Variants in PLEKHG1 observed in about 807,000 individuals in gnomAD.
The protein encoded by PLEKHG1 is pleckstrin homology domain-containing family G member 1.
In PLEKHG1, 44 loss-of-function variants were observed where a neutral mutation model predicts 100.8. That is an observed-to-expected ratio of 0.44 (90% CI 0.34 to 0.56). The LOEUF is 0.56. Ranked by LOEUF, PLEKHG1 falls within the 20% of genes least tolerant of loss-of-function variation. The pLI, the probability that PLEKHG1 is intolerant of heterozygous loss-of-function variation, is 0.01. For synonymous variants in PLEKHG1, 640 were observed against 662.5 expected (o/e 0.97, Z 0.52); for missense variants, 1,545 against 1,720.9 (o/e 0.90, Z 1.81).
chr6:150,697,489 G>A (rs956534164), intron 3 of PLEKHG1, among the ~76,000 whole-genome samples: 35 of 152,314 alleles, frequency 2.3e-4, no homozygotes, highest in Middle Eastern at 3.4e-3. Context: ...GAAGTAAGTC[G>A]GGTGCCTGGG....
intron 14 of PLEKHG1, among the ~76,000 whole-genome samples, chr6:150,825,422 A>T (rs1331994487): frequency 6.6e-6 from 1 of 152,116 alleles, no homozygotes; most frequent in Non-Finnish European, 1.5e-5. Flanking sequence ...ACAAAAAAAA[A>T]GTACAAAAAT....
intron 1 of PLEKHG1, among the ~76,000 whole-genome samples, 183 bp from the exon 3 acceptor site, chr6:150,733,401 C>G (rs1782376150): frequency 6.6e-6 from 1 of 152,170 alleles, no homozygotes; most frequent in South Asian, 2.1e-4. Context: ...AACAGGCACC[C>G]AGATGATGCT....
chr6:150,644,334 G>GGTTTTTTTTT (rs1554255840), intron 2 of PLEKHG1, among the ~76,000 whole-genome samples: 20 of 117,620 alleles, frequency 1.7e-4, no homozygotes, highest in South Asian at 5.9e-4. Flanking sequence ...TTCTTTTCGT[G>GGTTTTTTTTT]TTTTTTTTTT....
chr6:150,606,641 T>C (rs1776613605), intron 1 of PLEKHG1, among the ~76,000 whole-genome samples: 1 of 152,230 alleles, frequency 6.6e-6, no homozygotes, highest in African/African-American at 2.4e-5. Context: ...TTAGAGCCTG[T>C]TGACCCTCTC....
chr6:150,707,193 C>T (rs190186506), intron 3 of PLEKHG1, among the ~76,000 whole-genome samples: 10 of 151,290 alleles, frequency 6.6e-5, no homozygotes, highest in Non-Finnish European at 1.3e-4. Context: ...TTAGTAGAGA[C>T]GGGTTTTGCC....
At chr6:150,729,838 C>T (rs1220662317) in intron 1 of PLEKHG1, among the ~76,000 whole-genome samples, 1 of 152,062 alleles carries the variant, frequency 6.6e-6, no homozygotes, top group East Asian at 1.9e-4. Context: ...GGTGCCCCCT[C>T]CATGTTGCTA....
At position 150,831,200 on chromosome 6, in the gene PLEKHG1, C is replaced by T. The variant is rs1562562386; in HGVS notation, c.2089C>T (p.Pro697Ser). The T allele has an allele frequency of 6.2e-7, 1 of 1,614,108 alleles. No homozygotes were observed. The highest frequency in any genetic ancestry group is 8.5e-7 in the Non-Finnish European group (1 of 1,180,020). ...GGACTCCGTTCGCCCCAAGAGCACC[C>T]CAGAGTTAGCCTTCACAAAGAGGCA... Residue 697 changes from proline (P) to serine (S), a missense_variant, in exon 15 of 16, where the codon CCA becomes TCA. Pro to Ser is a moderately conservative substitution (Grantham distance 74, BLOSUM62 -1). Transcript: ENST00000358517. The surrounding 1 kb of genome is among the most constrained non-coding windows in gnomAD (Gnocchi z 4.1).
chr6:150,788,489 A>C (rs1445412716), intron 4 of PLEKHG1, among the ~76,000 whole-genome samples: 1 of 152,230 alleles, frequency 6.6e-6, no homozygotes, highest in Non-Finnish European at 1.5e-5. Context: ...AGGTTACAGA[A>C]GTCCTTATCG....
At chr6:150,715,018 C>T (rs536743065) in intron 3 of PLEKHG1, among the ~76,000 whole-genome samples, 3 of 151,540 alleles carry the variant, frequency 2.0e-5, no homozygotes, top group Admixed American at 1.3e-4. Context: ...AGGCTGGTCT[C>T]GAACTCCTGG....
chr6:150,690,243 T>C (rs1015092741), intron 3 of PLEKHG1, among the ~76,000 whole-genome samples: 6 of 152,096 alleles, frequency 3.9e-5, no homozygotes, highest in Non-Finnish European at 8.8e-5. Context: ...TAATTGGGGG[T>C]ACAGGTGGTA....
At chr6:150,665,849 G>A (rs1040118568) in intron 3 of PLEKHG1, among the ~76,000 whole-genome samples, 7 of 152,006 alleles carry the variant, frequency 4.6e-5, no homozygotes, top group Admixed American at 3.9e-4. Flanking sequence ...GTTGGTTGGG[G>A]TAGCATGGGA....
intron 1 of PLEKHG1, among the ~76,000 whole-genome samples, chr6:150,610,034 C>T (rs1032840879): frequency 2.2e-4 from 33 of 152,218 alleles, no homozygotes; most frequent in African/African-American, 7.5e-4. Context: ...ACCACAAGCA[C>T]CTACGAAGCA....
At chr6:150,687,505 G>T (rs1780180849) in intron 3 of PLEKHG1, among the ~76,000 whole-genome samples, 1 of 152,036 alleles carries the variant, frequency 6.6e-6, no homozygotes. Flanking sequence ...TAGTTCAAAG[G>T]GTTATTATGG....
At chr6:150,705,801 T>C (rs1206535543) in intron 3 of PLEKHG1, among the ~76,000 whole-genome samples, 1 of 152,114 alleles carries the variant, frequency 6.6e-6, no homozygotes, top group Non-Finnish European at 1.5e-5. Context: ...TGTCTACAAA[T>C]CCTCTTGGAG....
chr6:150,616,742 G>A (rs1777086901), intron 1 of PLEKHG1, among the ~76,000 whole-genome samples: 1 of 152,194 alleles, frequency 6.6e-6, no homozygotes, highest in South Asian at 2.1e-4. Context: ...CTTTCATGGT[G>A]ACATCAGGAA....
chr6:150,702,972 T>C (rs1353885005), intron 3 of PLEKHG1, among the ~76,000 whole-genome samples: 1 of 152,174 alleles, frequency 6.6e-6, no homozygotes, highest in East Asian at 1.9e-4. Context: ...AGCTGAGTGG[T>C]ACCAATGCTT....
intron 2 of PLEKHG1, among the ~76,000 whole-genome samples, chr6:150,757,581 A>G (rs554579448): frequency 3.4e-4 from 47 of 138,120 alleles, no homozygotes; most frequent in South Asian, 8.9e-4. Flanking sequence ...GTGTGTGTGT[A>G]TGTGTGTGTC....
At chr6:150,825,226 TA>T (rs1171727940) in intron 14 of PLEKHG1, among the ~76,000 whole-genome samples, 1 of 152,158 alleles carries the variant, frequency 6.6e-6, no homozygotes, top group East Asian at 1.9e-4. Context: ...CATCTCCTAA[TA>T]GTAATGTGCT....
chr6:150,628,580 C>CT (rs1777612720), intron 1 of PLEKHG1, among the ~76,000 whole-genome samples: 4 of 37,990 alleles, frequency 1.1e-4, no homozygotes, highest in Non-Finnish European at 2.5e-4. Flanking sequence ...ACACACACCC[C>CT]GTCCTTGCCC....
Sources: gnomAD v4.1 joint callset for allele counts (sites outside exome capture counted in the v4.1 genomes callset) on GRCh38, gnomAD v4.1.1 for gene constraint, Gnocchi (gnomAD v3.1) non-coding constraint, MANE v1.5 for transcripts, NCBI Gene and HGNC (gene_info 2026-07-23, HGNC 2026-07-21) for gene names.